Variants in TARS3 observed in about 807,000 individuals in gnomAD.
TARS3 encodes the protein threonine--tRNA ligase 2, cytoplasmic.
Under a neutral mutation model 103.5 loss-of-function variants are expected in TARS3, and 94 were observed. The ratio of observed to expected loss-of-function variants is 0.91; its 90% confidence interval spans 0.77 to 1.08. The LOEUF (loss-of-function observed/expected upper bound fraction) is 1.08. Ranked by LOEUF, TARS3 falls within the 50% of genes least tolerant of loss-of-function variation. The pLI, the probability that TARS3 is intolerant of heterozygous loss-of-function variation, is 0.00. For synonymous variants in TARS3, 416 were observed against 355.4 expected (o/e 1.17, Z -1.92); for missense variants, 952 against 995.2 (o/e 0.96, Z 0.58).
intron 18 of TARS3, 102 bp from the exon 19 acceptor site, chr15:101,654,832 A>C (rs626073): frequency 0.4 from 433,017 of 1,069,352 alleles, 94,133 homozygotes; most frequent in Non-Finnish European, 0.45. Context: ...TTCTTCACTA[A>C]TATTAAATAT....
rs1898460776 is a variant in TARS3 at position 101,686,029 on chromosome 15, G to T, written c.1354C>A (p.Leu452Ile). The T allele has an allele frequency of 6.2e-7, 1 of 1,612,444 alleles. No homozygotes were observed. The highest frequency in any genetic ancestry group is 1.7e-5 in the Admixed American group (1 of 59,828). Residue 452 changes from leucine (L) to isoleucine (I), a missense_variant, in exon 11 of 19, where the codon CTC (leucine) becomes ATC (isoleucine). Leu to Ile is a conservative substitution (Grantham distance 5). Around this residue, in one of 2 missense-constraint regions of TARS3, gnomAD observed 540 missense variants for 631.0 expected, o/e 0.86. Coordinates refer to ENST00000335968, the MANE Select transcript of TARS3 (RefSeq NM_152334.3). ...TTACTGTTGTACATATTGGGAGAGA[G>T]CACCTCCGTGAAGTCCCGTTTGTGA... ...EYHKRDFTEV[L>I]SPNMYNSKLW...
intron 3 of TARS3, among the ~76,000 whole-genome samples, chr15:101,715,878 T>C (rs550096963): frequency 3.9e-5 from 6 of 152,248 alleles, no homozygotes; most frequent in African/African-American, 9.6e-5. Context: ...CTGATGTCAA[T>C]TGAACGCATC....
At chr15:101,677,195 G>C (rs1326850640) in intron 12 of TARS3, among the ~76,000 whole-genome samples, 1 of 152,200 alleles carries the variant, frequency 6.6e-6, no homozygotes, top group Admixed American at 6.5e-5. Flanking sequence ...GAATGCCTGT[G>C]AGTGCGTTTC....
Position 101,702,240 on chromosome 15 carries a change from T to C in TARS3, c.1220A>G (p.Lys407Arg). The change falls in exon 9 of 19, where the codon AAG becomes AGG. Residue 407 changes from lysine to arginine, a missense_variant and splice_region_variant. Coordinates refer to ENST00000335968, the MANE Select transcript of TARS3 (RefSeq NM_152334.3). Reference protein sequence around the residue: ...AKNRDHRKIGKEQELFFFHDL... With the variant: ...AKNRDHRKIGREQELFFFHDL... ...CAGTGATTAAGATGTGGGGCATACC[T>C]TCCCGATCTTCCTGTGATCTCGGTT... The C allele has an allele frequency of 6.2e-7, 1 of 1,614,182 alleles. No homozygotes were observed. The highest frequency in any genetic ancestry group is 8.5e-7 in the Non-Finnish European group (1 of 1,180,024).
At chr15:101,693,002 C>T (rs1015538635) in intron 10 of TARS3, among the ~76,000 whole-genome samples, 1 of 152,148 alleles carries the variant, frequency 6.6e-6, no homozygotes, top group East Asian at 1.9e-4. Context: ...CCTCCCCACT[C>T]CAGGGTTTCA....
In TARS3 at chr15:101,702,351, A is replaced by G. The variant is rs765422096; in HGVS notation, c.1109T>C (p.Met370Thr). The G allele has an allele frequency of 6.2e-7, 1 of 1,613,958 alleles. No individual in the cohort carries two copies. The highest frequency in any genetic ancestry group is 2.2e-5 in the East Asian group (1 of 44,870). ...TCCATAGATCCTCTGCAATGTTTCC[A>G]TTTCCGGATTGCCCTCCCAATATGT... The part of the protein sequence containing the change: ...SSTYWEGNPE[M>T]ETLQRIYGIS... Residue 370 changes from methionine to threonine, a missense_variant, in exon 9 of 19, where the codon ATG (methionine) becomes ACG (threonine). Coordinates refer to ENST00000335968, the MANE Select transcript of TARS3 (RefSeq NM_152334.3).
At chr15:101,664,526 G>C (rs1292286979) in intron 15 of TARS3, 1 of 152,148 alleles carries the variant, frequency 6.6e-6, no homozygotes, top group Non-Finnish European at 1.5e-5. Flanking sequence ...CGAACACATG[G>C]AACAGATGTG....
chr15:101,708,884 G>A lies in TARS3; in HGVS notation c.839C>T (p.Ala280Val). Residue 280 changes from alanine (A) to valine (V), a missense_variant, in exon 6 of 19, where the codon GCC becomes GTC. Transcript: ENST00000335968. The part of the protein sequence containing the change: ...DRAVSSTELS[A>V]LENICKAIIK... ...GATGGCTTTACATATATTCTCCAGG[G>A]CTGACAATTCTGTGCTGGACACTGC... The A allele has an allele frequency of 1.2e-6, 2 of 1,608,080 alleles. No individual in the cohort carries two copies. Among genetic ancestry groups the A allele is most frequent in the Non-Finnish European group, 1.7e-6 (2 of 1,177,770 alleles).
At chr15:101,669,481 T>C (rs1462299998) in intron 15 of TARS3, among the ~76,000 whole-genome samples, 1 of 152,236 alleles carries the variant, frequency 6.6e-6, no homozygotes, top group Non-Finnish European at 1.5e-5. Flanking sequence ...TACAGTAGTA[T>C]ACACTAATGT....
chr15:101,686,825 G>A (rs1898495481), intron 10 of TARS3, among the ~76,000 whole-genome samples: 1 of 151,270 alleles, frequency 6.6e-6, no homozygotes, highest in African/African-American at 2.4e-5. Context: ...GAATAAGTAA[G>A]AATTCTGAGA....
At chr15:101,656,039 A>C (rs1202778393) in intron 18 of TARS3, 2 of 1,289,102 alleles carry the variant, frequency 1.6e-6, no homozygotes, top group Non-Finnish European at 2.0e-6. Context: ...AAGTGGAATA[A>C]GGTAGATATT....
chr15:101,695,701 G>C (rs576469887), intron 10 of TARS3: 1 of 152,190 alleles, frequency 6.6e-6, no homozygotes, highest in Admixed American at 6.5e-5. Flanking sequence ...TTGGGAGTTT[G>C]AGACCAGCCT....
At chr15:101,714,464 G>A (rs986900365) in intron 4 of TARS3, among the ~76,000 whole-genome samples, 1 of 151,846 alleles carries the variant, frequency 6.6e-6, no homozygotes, top group African/African-American at 2.4e-5. Flanking sequence ...AATTATCTGA[G>A]TGTGGTGGTG....
At chr15:101,721,795 G>T (rs895630920) in intron 2 of TARS3, among the ~76,000 whole-genome samples, 3 of 152,126 alleles carry the variant, frequency 2.0e-5, no homozygotes, top group Non-Finnish European at 2.9e-5. Flanking sequence ...GTATCCAGCC[G>T]CAATTTTTCA....
intron 2 of TARS3, among the ~76,000 whole-genome samples, chr15:101,721,543 G>A (rs1259525989): frequency 1.3e-5 from 2 of 152,140 alleles, no homozygotes; most frequent in African/African-American, 2.4e-5. Flanking sequence ...CGCCCAGGCT[G>A]GAGTGCAGGG....
chr15:101,707,304 T>C (rs1217906972), intron 6 of TARS3, among the ~76,000 whole-genome samples: 2 of 152,130 alleles, frequency 1.3e-5, no homozygotes, highest in Admixed American at 6.5e-5. Context: ...AAAAACAGAA[T>C]TGCCATAGGA....
At chr15:101,698,359 CATAA>C in intron 10 of TARS3, among the ~76,000 whole-genome samples, 1 of 151,698 alleles carries the variant, frequency 6.6e-6, no homozygotes, top group Middle Eastern at 3.4e-3. Flanking sequence ...TAAAAAAATA[CATAA>C]ATAATTTTTT....
At chr15:101,711,668 T>C (rs1330789902) in intron 5 of TARS3, among the ~76,000 whole-genome samples, 1 of 152,246 alleles carries the variant, frequency 6.6e-6, no homozygotes. Flanking sequence ...CTGTTTATGT[T>C]TTCATTAAGG....
At chr15:101,668,344 G>C (rs62027592) in intron 15 of TARS3, among the ~76,000 whole-genome samples, 3 of 152,060 alleles carry the variant, frequency 2.0e-5, no homozygotes, top group African/African-American at 4.8e-5. Flanking sequence ...GGAAGGCTGA[G>C]GAGAGGGAGA....
Sources: gnomAD v4.1 joint callset for allele counts (sites outside exome capture counted in the v4.1 genomes callset) on GRCh38, gnomAD v4.1.1 for gene constraint, gnomAD v4.1.1 regional missense constraint, MANE v1.5 for transcripts, NCBI Gene and HGNC (gene_info 2026-07-23, HGNC 2026-07-21) for gene names.